Variants in TAFA1 observed in about 807,000 individuals in gnomAD.
The protein encoded by TAFA1 is TAFA chemokine like family member 1.
In TAFA1, 4 loss-of-function variants were observed where a neutral mutation model predicts 18.5. That is an observed-to-expected ratio of 0.22 (90% CI 0.11 to 0.49). TAFA1 has a LOEUF of 0.49. TAFA1 is among the 20% of genes least tolerant of loss of function. TAFA1 has a pLI of 0.98. For missense variants in TAFA1, 147 were observed against 169.0 expected, an observed-to-expected ratio of 0.87 and a Z score of 0.72; for synonymous variants, 56 against 55.2, an observed-to-expected ratio of 1.01 and a Z score of -0.06.
At chr3:68,432,054 T>A (rs896459317) in intron 3 of TAFA1, among the ~76,000 whole-genome samples, 6 of 151,868 alleles carry the variant, frequency 4.0e-5, no homozygotes, top group African/African-American at 1.2e-4. Context: ...GGGGTTAATA[T>A]TATTATTATT....
intron 2 of TAFA1, among the ~76,000 whole-genome samples, chr3:68,358,824 C>T (rs530423711): frequency 1.3e-3 from 204 of 152,012 alleles, no homozygotes; most frequent in South Asian, 2.3e-3. Flanking sequence ...GATGATAATC[C>T]TTCTATGACC....
intron 2 of TAFA1, among the ~76,000 whole-genome samples, chr3:68,093,831 TCCCCCTTA>T (rs748637581): frequency 1.3e-4 from 20 of 152,068 alleles, no homozygotes; most frequent in South Asian, 4.1e-4. Flanking sequence ...ATTCTCTGTT[TCCCCCTTA>T]AATGAGAACT....
At chr3:68,195,943 G>A (rs1253449279) in intron 2 of TAFA1, among the ~76,000 whole-genome samples, 4 of 151,638 alleles carry the variant, frequency 2.6e-5, no homozygotes, top group Non-Finnish European at 4.4e-5. Flanking sequence ...TTGGACCCAT[G>A]TCACTTATAA....
chr3:68,120,464 G>C (rs2065386054), intron 2 of TAFA1, among the ~76,000 whole-genome samples: 1 of 151,986 alleles, frequency 6.6e-6, no homozygotes. Context: ...GGCCAGGCTG[G>C]TCTCGAACTC....
chr3:68,421,737 T>C (rs2070958810), intron 3 of TAFA1, among the ~76,000 whole-genome samples: 1 of 152,138 alleles, frequency 6.6e-6, no homozygotes, highest in Admixed American at 6.6e-5. Flanking sequence ...ATAATGTTTT[T>C]TGCACAATGT....
intron 3 of TAFA1, among the ~76,000 whole-genome samples, chr3:68,442,890 C>T (rs1459100603): frequency 6.6e-6 from 1 of 152,130 alleles, no homozygotes; most frequent in African/African-American, 2.4e-5. Context: ...ATGTTATAGT[C>T]CTGTATACCT....
chr3:68,292,255 CT>C (rs2068121545), intron 2 of TAFA1, among the ~76,000 whole-genome samples: 1 of 152,050 alleles, frequency 6.6e-6, no homozygotes, highest in African/African-American at 2.4e-5. Flanking sequence ...CATCTGTCCT[CT>C]TTTCCCAGAC....
At chr3:68,472,164 TG>T (rs2072008223) in intron 3 of TAFA1, among the ~76,000 whole-genome samples, 1 of 152,106 alleles carries the variant, frequency 6.6e-6, no homozygotes. Flanking sequence ...ATGTCAAGGG[TG>T]GGTTCAAGTA....
chr3:68,030,669 G>A (rs560065187), intron 2 of TAFA1, among the ~76,000 whole-genome samples: 23 of 152,234 alleles, frequency 1.5e-4, no homozygotes, highest in African/African-American at 5.3e-4. Flanking sequence ...TATCATTGGT[G>A]GGCATTTGGG....
chr3:68,058,055 TA>T (rs2064557718), intron 2 of TAFA1, among the ~76,000 whole-genome samples: 1 of 152,174 alleles, frequency 6.6e-6, no homozygotes, highest in Non-Finnish European at 1.5e-5. Context: ...AATAAGAAAC[TA>T]ATCACAGGTG....
chr3:68,322,671 G>A (rs1281564834), intron 2 of TAFA1, among the ~76,000 whole-genome samples: 2 of 152,086 alleles, frequency 1.3e-5, no homozygotes, highest in Non-Finnish European at 2.9e-5. Flanking sequence ...GTCAGGGGCC[G>A]GGCGCTCATG....
At chr3:68,506,421 A>T (rs1484099560) in intron 3 of TAFA1, among the ~76,000 whole-genome samples, 1 of 152,030 alleles carries the variant, frequency 6.6e-6, no homozygotes, top group Non-Finnish European at 1.5e-5. Context: ...TGACCCAAGG[A>T]CATAAATCAT....
In TAFA1 at chr3:68,242,332, CT is replaced by C. The variant is rs141148694; in HGVS notation, c.119-174947del. On this transcript the variant is annotated intron_variant, in intron 2 of 4. Transcript: ENST00000478136. ...ACTCACTGATCCTTTTAAAAGTTTGCTCTGTTTAAATAAATATTCGTAGACT... is the reference window on the plus strand; with the variant it reads ...ACTCACTGATCCTTTTAAAAGTTTGCCTGTTTAAATAAATATTCGTAGACT... Among the ~76,000 whole-genome samples the C allele has an allele frequency of 1.7e-4, 26 of 152,256 alleles. No homozygotes were observed. The East Asian group carries it at 5.0e-3, about 29-fold the overall frequency.
chr3:68,076,280 T>C (rs1350594380), intron 2 of TAFA1, among the ~76,000 whole-genome samples: 2 of 124,928 alleles, frequency 1.6e-5, no homozygotes, highest in Non-Finnish European at 3.6e-5. Context: ...TGTTCCTACT[T>C]CTTTTTTTTT....
chr3:68,123,352 G>A (rs1428777706), intron 2 of TAFA1, among the ~76,000 whole-genome samples: 2 of 152,134 alleles, frequency 1.3e-5, no homozygotes, highest in Non-Finnish European at 2.9e-5. Flanking sequence ...GAGGAGGGAT[G>A]TTGTCCAATA....
intron 2 of TAFA1, among the ~76,000 whole-genome samples, chr3:68,160,166 T>A (rs1482759910): frequency 6.6e-6 from 1 of 152,174 alleles, no homozygotes; most frequent in African/African-American, 2.4e-5. Flanking sequence ...ATAAATGAAG[T>A]AACTTGCCAG....
chr3:68,175,148 A>AAAC (rs2106968767), intron 2 of TAFA1, among the ~76,000 whole-genome samples: 1 of 151,726 alleles, frequency 6.6e-6, no homozygotes, highest in African/African-American at 2.4e-5. Flanking sequence ...AGATGTATGG[A>AAAC]AACACCTGGA....
intron 2 of TAFA1, among the ~76,000 whole-genome samples, chr3:68,236,609 A>G (rs1475431882): frequency 1.3e-5 from 2 of 152,264 alleles, no homozygotes; most frequent in East Asian, 1.9e-4. Flanking sequence ...AGGTTGTTGA[A>G]AAACTCTGTT....
intron 2 of TAFA1, among the ~76,000 whole-genome samples, chr3:68,085,906 T>G (rs2064965383): frequency 6.6e-6 from 1 of 152,192 alleles, no homozygotes; most frequent in Admixed American, 6.5e-5. Context: ...CCTGAACAGG[T>G]GTGCCCAACA....
Sources: gnomAD v4.1 joint callset for allele counts (sites outside exome capture counted in the v4.1 genomes callset) on GRCh38, gnomAD v4.1.1 for gene constraint, MANE v1.5 for transcripts, NCBI Gene and HGNC (gene_info 2026-07-23, HGNC 2026-07-21) for gene names.